Variants in SEMA3E observed in about 807,000 individuals in gnomAD.
The protein encoded by SEMA3E is semaphorin-3E.
In SEMA3E, 49 loss-of-function variants were observed where a neutral mutation model predicts 93.6. The observed-to-expected ratio is 0.52, with a 90% CI of 0.42 to 0.66. The LOEUF is 0.66. Among genes scored for constraint, SEMA3E ranks in the 30% least tolerant of loss-of-function variants. SEMA3E has a pLI of 0.00. For missense variants in SEMA3E, 906 were observed against 964.8 expected, an observed-to-expected ratio of 0.94 and a Z score of 0.81; for synonymous variants, 363 against 330.7, an observed-to-expected ratio of 1.10 and a Z score of -1.06.
At position 83,576,407 on chromosome 7, in the gene SEMA3E, T is replaced by C. The variant is rs73380743; in HGVS notation, c.115+72021A>G. Reference sequence around the variant, plus strand: ...TGGGCAGCAATAAGCCAAGCGAAAATTGGATTTTCTGTTTCTAAAAAGACT... The same window carrying C: ...TGGGCAGCAATAAGCCAAGCGAAAACTGGATTTTCTGTTTCTAAAAAGACT... On this transcript the variant is annotated intron_variant, in intron 1 of 16. Coordinates refer to ENST00000643230, the MANE Select transcript of SEMA3E (RefSeq NM_012431.3). 3.1e-3 allele frequency among the ~76,000 whole-genome samples: 465 copies of C among 152,006 alleles called. 2 individuals carry two copies. Among genetic ancestry groups the C allele is most frequent in the African/African-American group, 9.3e-3 (384 of 41,456 alleles).
At chr7:83,400,685 A>G (rs17157590) in intron 10 of SEMA3E, among the ~76,000 whole-genome samples, 8,150 of 152,246 alleles carry the variant, frequency 0.054, 717 homozygotes, top group African/African-American at 0.19. Context: ...AGCACAAGAT[A>G]TACAGAGAAA....
At chr7:83,537,017 GTCTC>G (rs548468513) in intron 1 of SEMA3E, among the ~76,000 whole-genome samples, 3 of 151,366 alleles carry the variant, frequency 2.0e-5, no homozygotes, top group African/African-American at 4.8e-5. Flanking sequence ...ATCTTTCTCT[GTCTC>G]TCTCTCTCTT....
chr7:83,615,947 C>T (rs1276862821), intron 1 of SEMA3E, among the ~76,000 whole-genome samples: 4 of 150,282 alleles, frequency 2.7e-5, no homozygotes, highest in Middle Eastern at 3.4e-3. Flanking sequence ...AGGTTTTAAA[C>T]AATCCTGCTT....
At chr7:83,596,661 C>T (rs1248638705) in intron 1 of SEMA3E, among the ~76,000 whole-genome samples, 1 of 151,990 alleles carries the variant, frequency 6.6e-6, no homozygotes, top group Non-Finnish European at 1.5e-5. Flanking sequence ...TGTTGCTTAC[C>T]AGTCTCTCCG....
rs71522672 is a variant in SEMA3E at position 83,619,904 on chromosome 7, C to CAGACAGACAGACAGATAGAT, written c.115+28523_115+28524insATCTATCTGTCTGTCTGTCT. ...GATAGATGATAGATAGATAGATAGA[C>CAGACAGACAGACAGATAGAT]AGATAGATAGATAGATAGACAGATA... On this transcript the variant is annotated intron_variant, in intron 1 of 16. Transcript: ENST00000643230. Among the ~76,000 whole-genome samples, 474 of 148,138 alleles carry CAGACAGACAGACAGATAGAT rather than the reference C, an allele frequency of 3.2e-3. 3 individuals are homozygous for CAGACAGACAGACAGATAGAT. Among genetic ancestry groups the CAGACAGACAGACAGATAGAT allele is most frequent in the East Asian group, 0.011 (58 of 5,044 alleles).
intron 1 of SEMA3E, among the ~76,000 whole-genome samples, chr7:83,630,351 TTGTCA>T (rs1793761151): frequency 3.9e-5 from 6 of 152,240 alleles, no homozygotes; most frequent in Admixed American, 1.3e-4. Context: ...ATTGATGAGA[TTGTCA>T]TATTAAATAA....
At chr7:83,609,203 T>C (rs1448048699) in intron 1 of SEMA3E, among the ~76,000 whole-genome samples, 1 of 152,054 alleles carries the variant, frequency 6.6e-6, no homozygotes, top group Non-Finnish European at 1.5e-5. Context: ...AAAGGTTATG[T>C]TGAAACAGTG....
At chr7:83,635,622 A>T (rs1355824395) in intron 1 of SEMA3E, among the ~76,000 whole-genome samples, 1 of 152,008 alleles carries the variant, frequency 6.6e-6, no homozygotes, top group Non-Finnish European at 1.5e-5. Flanking sequence ...TGATTTTGAT[A>T]AATTAAGTAC....
rs905277411 is a variant in SEMA3E, at chr7:83,502,995, T to C, written c.116-12721A>G. 7.0e-5 allele frequency among the ~76,000 whole-genome samples: 10 copies of C among 143,572 alleles called. 1 individual carries two copies. The East Asian group carries it at 2.1e-3, about 30-fold the overall frequency. The allele number at this position is 143,572 out of a possible 152,430, so 94.2% of individuals were successfully genotyped here. ...GTACCTAATGGACAGCAAATATATA[T>C]GAGTTTCTTTCTCTCTCTTTTTTTT... is the stretch of plus-strand genomic sequence containing the variant. On this transcript the variant is annotated intron_variant, in intron 1 of 16. Coordinates refer to ENST00000643230, the MANE Select transcript of SEMA3E (RefSeq NM_012431.3).
chr7:83,620,698 C>G (rs1276473222), intron 1 of SEMA3E, among the ~76,000 whole-genome samples: 1 of 151,946 alleles, frequency 6.6e-6, no homozygotes, highest in Non-Finnish European at 1.5e-5. Flanking sequence ...TCAACATATA[C>G]AAATCAAATG....
rs2116916547 is a variant in SEMA3E at position 83,385,379 on chromosome 7, C to T, written c.1790G>A (p.Ser597Asn). The change falls in exon 16 of 17, where the codon AGT becomes AAT. Residue 597 changes from serine (S) to asparagine (N), a missense_variant. Ser to Asn is a conservative substitution (Grantham distance 46). Transcript: ENST00000643230. ...EHLAYGIENN[S>N]TLLECTPRSL... Reference sequence around the variant, plus strand: ...TCGTGGGGTACATTCCAGCAAAGTACTGTTGTTCTCTATGCCATAAGCCAG... The same window carrying T: ...TCGTGGGGTACATTCCAGCAAAGTATTGTTGTTCTCTATGCCATAAGCCAG... 6.2e-7 allele frequency: 1 copy of T among 1,613,578 alleles called. No individual in the cohort carries two copies. Among genetic ancestry groups the T allele is most frequent in the Non-Finnish European group, 8.5e-7 (1 of 1,179,652 alleles).
chr7:83,521,677 G>T (rs569009941), intron 1 of SEMA3E, among the ~76,000 whole-genome samples: 1 of 152,008 alleles, frequency 6.6e-6, no homozygotes, highest in Non-Finnish European at 1.5e-5. Context: ...TTTTCTTCCC[G>T]GCTTGAATAT....
At chr7:83,478,931 T>C (rs1790079239) in intron 2 of SEMA3E, among the ~76,000 whole-genome samples, 1 of 152,202 alleles carries the variant, frequency 6.6e-6, no homozygotes, top group Non-Finnish European at 1.5e-5. Context: ...TCTATTCTCA[T>C]TTTCCATCCA....
chr7:83,578,132 T>C (rs923766247), intron 1 of SEMA3E, among the ~76,000 whole-genome samples: 1 of 138,236 alleles, frequency 7.2e-6, no homozygotes, highest in African/African-American at 3.0e-5. Context: ...GTAATGACTG[T>C]GAGAGTTTTC....
intron 1 of SEMA3E, among the ~76,000 whole-genome samples, chr7:83,568,455 C>A (rs1004511652): frequency 6.6e-6 from 1 of 152,030 alleles, no homozygotes; most frequent in Non-Finnish European, 1.5e-5. Context: ...TCCTGATGAA[C>A]GTAGATACAA....
At chr7:83,615,768 T>G (rs921754452) in intron 1 of SEMA3E, among the ~76,000 whole-genome samples, 1 of 152,084 alleles carries the variant, frequency 6.6e-6, no homozygotes, top group Admixed American at 6.6e-5. Context: ...CTAGAGAGCA[T>G]TGTCTTCAGT....
At chr7:83,487,711 G>GTGTGTGTA (rs1790295566) in intron 2 of SEMA3E, among the ~76,000 whole-genome samples, 1 of 138,808 alleles carries the variant, frequency 7.2e-6, no homozygotes, top group South Asian at 2.2e-4. Flanking sequence ...GTGTGTGTGT[G>GTGTGTGTA]TGTGTATTTT....
intron 16 of SEMA3E, among the ~76,000 whole-genome samples, chr7:83,368,646 T>A (rs1315772841): frequency 6.6e-6 from 1 of 152,136 alleles, no homozygotes; most frequent in African/African-American, 2.4e-5. Context: ...AATAAACAAG[T>A]AAAATCCAGT....
intron 1 of SEMA3E, among the ~76,000 whole-genome samples, chr7:83,648,191 A>G (rs1304412525): frequency 6.6e-6 from 1 of 152,098 alleles, no homozygotes; most frequent in Non-Finnish European, 1.5e-5. Context: ...ATGTTTACAG[A>G]CAAAAATAAC....
Sources: gnomAD v4.1 joint callset for allele counts (sites outside exome capture counted in the v4.1 genomes callset) on GRCh38, gnomAD v4.1.1 for gene constraint, MANE v1.5 for transcripts, NCBI Gene and HGNC (gene_info 2026-07-23, HGNC 2026-07-21) for gene names.